Variants in DAB1 observed in about 807,000 individuals in gnomAD.
DAB1 encodes the protein DAB adaptor protein 1.
In DAB1, 15 loss-of-function variants were observed where a neutral mutation model predicts 64.6. The observed-to-expected ratio is 0.23, with a 90% confidence interval of 0.16 to 0.36. DAB1 has a LOEUF of 0.36. Ranked by LOEUF, DAB1 falls within the 10% of genes least tolerant of loss-of-function variation. DAB1 has a pLI of 1.00. For synonymous variants in DAB1, 235 were observed against 251.9 expected, an observed-to-expected ratio of 0.93 and a Z score of 0.64; for missense variants, 596 against 706.7, an observed-to-expected ratio of 0.84 and a Z score of 1.78.
intron 4 of DAB1, among the ~76,000 whole-genome samples, chr1:58,183,168 T>A (rs770910802): frequency 3.2e-4 from 48 of 152,032 alleles, no homozygotes; most frequent in Non-Finnish European, 5.9e-4. Context: ...TACTTAAACA[T>A]CTTGATTCAG....
chr1:58,413,361 T>C (rs78610916), intron 3 of DAB1, among the ~76,000 whole-genome samples: 5,100 of 152,326 alleles, frequency 0.033, 107 homozygotes, highest in African/African-American at 0.063. Flanking sequence ...CTATGAGGTA[T>C]GCTCTATTAT....
At chr1:57,410,958 A>G (rs973182229) in intron 1 of DAB1, among the ~76,000 whole-genome samples, 4 of 152,206 alleles carry the variant, frequency 2.6e-5, no homozygotes, top group African/African-American at 9.6e-5. Context: ...TTTTATCACC[A>G]GTACTGATGT....
intron 7 of DAB1, among the ~76,000 whole-genome samples, chr1:57,635,036 A>G (rs1406926753): frequency 6.6e-6 from 1 of 152,166 alleles, no homozygotes; most frequent in Non-Finnish European, 1.5e-5. Context: ...AGATGGGAGC[A>G]TGTTAGGAGT....
chr1:57,430,500 C>T (rs900745539), intron 7 of DAB1, among the ~76,000 whole-genome samples: 1 of 151,912 alleles, frequency 6.6e-6, no homozygotes, highest in Non-Finnish European at 1.5e-5. Flanking sequence ...CTCAGCCTCC[C>T]GAGTAGGTGG....
chr1:57,846,693 C>T (rs556319713), intron 1 of DAB1, among the ~76,000 whole-genome samples: 1 of 152,082 alleles, frequency 6.6e-6, no homozygotes, highest in East Asian at 1.9e-4. Flanking sequence ...TCCAGGGCAT[C>T]TAGAACTACA....
intron 7 of DAB1, among the ~76,000 whole-genome samples, chr1:57,583,577 G>A (rs760736252): frequency 1.8e-4 from 27 of 152,204 alleles, no homozygotes; most frequent in Non-Finnish European, 2.8e-4. Flanking sequence ...GAGCCACCAC[G>A]CCCGGCCCAG....
At chr1:57,662,952 C>T (rs1193753126) in intron 6 of DAB1, among the ~76,000 whole-genome samples, 1 of 152,164 alleles carries the variant, frequency 6.6e-6, no homozygotes, top group African/African-American at 2.4e-5. Flanking sequence ...TGAATTCAAC[C>T]CACCTAAGCA....
intron 7 of DAB1, among the ~76,000 whole-genome samples, chr1:57,520,400 A>G (rs1644511412): frequency 6.6e-6 from 1 of 152,184 alleles, no homozygotes; most frequent in African/African-American, 2.4e-5. Flanking sequence ...GAGGGTTAAG[A>G]CGTTTCTTTT....
intron 4 of DAB1, among the ~76,000 whole-genome samples, chr1:58,272,668 T>G (rs1451660134): frequency 6.8e-6 from 1 of 147,976 alleles, no homozygotes; most frequent in Non-Finnish European, 1.5e-5. Context: ...CTAAGTCTCT[T>G]TGTAGGTCAC....
rs576066836 is a variant in DAB1, at chr1:58,411,781, A to G, written n.258-68378T>C. On this transcript the variant is annotated intron_variant and non_coding_transcript_variant, in intron 3 of 20. Transcript: ENST00000485760. ...GAAAATCCTTTCTGTCTGAACTCCC[A>G]GCACGGTAGTTACAGGCTTCTGCAA... Among the ~76,000 whole-genome samples the G allele has an allele frequency of 3.3e-5, 5 of 152,352 alleles. No individual in the cohort carries two copies. The South Asian group carries it at 6.2e-4, about 19-fold the overall frequency.
intron 5 of DAB1, among the ~76,000 whole-genome samples, chr1:57,904,286 C>T (rs370706547): frequency 6.6e-5 from 10 of 152,134 alleles, no homozygotes; most frequent in East Asian, 5.8e-4. Flanking sequence ...GTTTCCTTTG[C>T]CTCAAATCCT....
In DAB1 at chr1:58,509,910, C is replaced by T. The variant is rs546069912; in HGVS notation, n.108-3701G>A. 2.6e-5 allele frequency among the ~76,000 whole-genome samples: 4 copies of T among 151,870 alleles called. No individual in the cohort carries two copies. In the East Asian group the frequency reaches 7.7e-4, roughly 29 times the overall value. On this transcript the variant is annotated intron_variant and non_coding_transcript_variant, in intron 2 of 20. Transcript: ENST00000485760. Reference sequence around the variant, plus strand: ...ATAACCTAGAAGAAATGGATAAACTCCAAGAAATATACAACCCACTAAGAC... The same window carrying T: ...ATAACCTAGAAGAAATGGATAAACTTCAAGAAATATACAACCCACTAAGAC...
At chr1:57,066,746 C>T (rs934718246) in intron 8 of DAB1, among the ~76,000 whole-genome samples, 2 of 152,172 alleles carry the variant, frequency 1.3e-5, no homozygotes, top group African/African-American at 2.4e-5. Context: ...CTACTATGAA[C>T]CAACTGCTCT....
At chr1:58,300,606 AAGAAAGAGAGAGAGAGAG>A (rs1465508723) in intron 4 of DAB1, among the ~76,000 whole-genome samples, 229 of 37,850 alleles carry the variant, frequency 6.1e-3, no homozygotes, top group Non-Finnish European at 9.9e-3. Flanking sequence ...GAAAGAAAGA[AAGAAAGAGAGAGAGAGAG>A]AGAGAGAGAG....
At chr1:57,701,899 T>C (rs1165913111) in intron 6 of DAB1, among the ~76,000 whole-genome samples, 1 of 152,146 alleles carries the variant, frequency 6.6e-6, no homozygotes. Context: ...AATTTCTGAA[T>C]TGTTTATTTC....
intron 5 of DAB1, among the ~76,000 whole-genome samples, chr1:58,068,581 C>T (rs1002586320): frequency 1.1e-4 from 17 of 151,642 alleles, no homozygotes; most frequent in Non-Finnish European, 2.1e-4. Flanking sequence ...CTGGCTAACA[C>T]GGTGAAACCC....
At chr1:57,831,070 T>C (rs1427020466) in intron 1 of DAB1, among the ~76,000 whole-genome samples, 1 of 152,108 alleles carries the variant, frequency 6.6e-6, no homozygotes, top group Non-Finnish European at 1.5e-5. Flanking sequence ...CCCGCCACCA[T>C]GCTGGCTAAT....
intron 2 of DAB1, among the ~76,000 whole-genome samples, chr1:57,246,600 C>T (rs540366803): frequency 4.5e-4 from 69 of 152,332 alleles, no homozygotes; most frequent in African/African-American, 1.6e-3. Context: ...TGAGACAATG[C>T]CTAGTGGAGC....
At chr1:57,499,739 G>A (rs1430178376) in intron 7 of DAB1, among the ~76,000 whole-genome samples, 1 of 152,170 alleles carries the variant, frequency 6.6e-6, no homozygotes, top group Non-Finnish European at 1.5e-5. Flanking sequence ...TTCTCCTTAT[G>A]ATTACTGGCT....
Sources: allele counts gnomAD v4.1 joint callset (sites outside exome capture counted in the v4.1 genomes callset), GRCh38; gene constraint gnomAD v4.1.1; transcripts MANE v1.5; gene names NCBI Gene and HGNC (gene_info 2026-07-23, HGNC 2026-07-21).